Variants in CCDC73 observed in about 807,000 individuals in gnomAD.
CCDC73 encodes the protein coiled-coil domain containing 73, also known as coiled-coil domain-containing protein 73.
CCDC73 carries 95 observed loss-of-function variants against 116.5 expected under a neutral mutation model. The ratio of observed to expected loss-of-function variants is 0.82; its 90% CI spans 0.69 to 0.97. The LOEUF is 0.97. CCDC73 is among the 50% of genes least tolerant of loss of function. CCDC73 has a pLI of 0.00. For missense variants in CCDC73, 1,066 were observed against 1,206.8 expected (o/e 0.88, Z 1.73); for synonymous variants, 398 against 401.3 (o/e 0.99, Z 0.10).
chr11:32,734,923 T>A (rs1259444669), intron 2 of CCDC73, among the ~76,000 whole-genome samples: 2 of 152,152 alleles, frequency 1.3e-5, no homozygotes, highest in African/African-American at 4.8e-5. Flanking sequence ...AAAAACCACA[T>A]GATTATCTCA....
intron 14 of CCDC73, among the ~76,000 whole-genome samples, chr11:32,620,687 A>AATCCAGCT (rs201562716): frequency 0.01 from 1,529 of 151,726 alleles, 25 homozygotes; most frequent in African/African-American, 0.035. Context: ...CCAAGTCATT[A>AATCCAGCT]ATCCAGCTCA....
chr11:32,640,260 G>A (rs1043535771), intron 13 of CCDC73, among the ~76,000 whole-genome samples: 9 of 152,158 alleles, frequency 5.9e-5, no homozygotes, highest in African/African-American at 1.7e-4. Flanking sequence ...AGATAAAACC[G>A]ACTTTATCCA....
At chr11:32,758,547 T>C in intron 2 of CCDC73, 1 of 450,522 alleles carries the variant, frequency 2.2e-6, no homozygotes, top group South Asian at 1.7e-5. Context: ...AAACATGCTT[T>C]CTTCATCAAG....
chr11:32,753,894 G>A (rs1383640573), intron 2 of CCDC73, among the ~76,000 whole-genome samples: 1 of 152,148 alleles, frequency 6.6e-6, no homozygotes, highest in Non-Finnish European at 1.5e-5. Context: ...TTACAGGTGT[G>A]AGGCACCACA....
chr11:32,645,168 C>T (rs1855766089), intron 12 of CCDC73, among the ~76,000 whole-genome samples: 1 of 152,138 alleles, frequency 6.6e-6, no homozygotes, highest in Non-Finnish European at 1.5e-5. Context: ...TCTGGAAAAT[C>T]TTCAGGGACA....
intron 9 of CCDC73, among the ~76,000 whole-genome samples, chr11:32,670,022 C>T (rs912867326): frequency 2.6e-5 from 4 of 152,166 alleles, no homozygotes; most frequent in Admixed American, 6.5e-5. Context: ...AAAAAAGATA[C>T]TAATCATATT....
intron 3 of CCDC73, among the ~76,000 whole-genome samples, chr11:32,711,678 T>C (rs1849901986): frequency 6.6e-6 from 1 of 152,142 alleles, no homozygotes; most frequent in Admixed American, 6.6e-5. Context: ...GTTCGGGTGA[T>C]GGGTGCACCA....
chr11:32,809,164 A>G, the CCDC73 span, among the ~76,000 whole-genome samples: 1 of 152,242 alleles, frequency 6.6e-6, no homozygotes. Context: ...AGCATCCAGG[A>G]CAATTTAGGG....
chr11:32,707,634 T>C (rs1849866798), intron 3 of CCDC73, among the ~76,000 whole-genome samples: 1 of 152,174 alleles, frequency 6.6e-6, no homozygotes, highest in Admixed American at 6.5e-5. Context: ...ATTCCATTTA[T>C]CAACTTACTC....
At chr11:32,756,531 A>G in intron 2 of CCDC73, among the ~76,000 whole-genome samples, 1 of 149,574 alleles carries the variant, frequency 6.7e-6, no homozygotes, top group East Asian at 1.9e-4. Context: ...AGTCCAAGAT[A>G]ATTTATTACA....
chr11:32,703,015 G>A lies in CCDC73; in HGVS notation c.208-71C>T, dbSNP rs1039300404. The A allele has an allele frequency of 1.1e-5, 11 of 1,014,950 alleles. No individual in the cohort carries two copies. The African/African-American group carries it at 1.7e-4, about 16-fold the overall frequency. 62.9% of individuals were successfully genotyped at this position (1,014,950 alleles called of 1,614,324 possible). ...CTCTTTCAGCTTTAAATCTTAACTA[G>A]GTTCACAATTTAAAGTCAACCATAC... On this transcript the variant is annotated intron_variant, in intron 3 of 17. Coordinates refer to ENST00000335185, the MANE Select transcript of CCDC73 (RefSeq NM_001008391.4).
intron 13 of CCDC73, among the ~76,000 whole-genome samples, chr11:32,638,231 G>A (rs1855699816): frequency 6.6e-6 from 1 of 152,218 alleles, no homozygotes; most frequent in East Asian, 1.9e-4. Context: ...TTTCCATACA[G>A]CCATCCTCCA....
intron 17 of CCDC73, among the ~76,000 whole-genome samples, chr11:32,607,863 C>G (rs550654625): frequency 6.6e-6 from 1 of 152,088 alleles, no homozygotes; most frequent in African/African-American, 2.4e-5. Context: ...CTGGGGAGGC[C>G]TCATAATCAT....
At chr11:32,644,748 T>C (rs1855761858) in intron 12 of CCDC73, among the ~76,000 whole-genome samples, 1 of 152,206 alleles carries the variant, frequency 6.6e-6, no homozygotes, top group Admixed American at 6.5e-5. Flanking sequence ...TTGGGCCACT[T>C]TGCAGCACCC....
chr11:32,830,045 C>T, the CCDC73 span: 11 of 987,256 alleles, frequency 1.1e-5, no homozygotes, highest in Non-Finnish European at 1.3e-5. Flanking sequence ...CCAGACCCTG[C>T]GGAGAGCGAG....
chr11:32,768,222 A>T (rs908471267), intron 1 of CCDC73, among the ~76,000 whole-genome samples: 16 of 152,298 alleles, frequency 1.1e-4, no homozygotes, highest in African/African-American at 3.4e-4. Flanking sequence ...TATCACAAGG[A>T]CAGAAAACCA....
intron 6 of CCDC73, among the ~76,000 whole-genome samples, chr11:32,692,934 T>A (rs1161930873): frequency 6.6e-6 from 1 of 152,220 alleles, no homozygotes; most frequent in Non-Finnish European, 1.5e-5. Flanking sequence ...TAAAGTTTTA[T>A]TTGTCAGGTA....
chr11:32,737,417 A>C (rs1163510555), intron 2 of CCDC73, among the ~76,000 whole-genome samples: 2 of 152,150 alleles, frequency 1.3e-5, no homozygotes, highest in South Asian at 2.1e-4. Flanking sequence ...GGTCAAGACC[A>C]GCCTGGCCAA....
At chr11:32,694,463 G>A (rs1421491470) in intron 6 of CCDC73, among the ~76,000 whole-genome samples, 1 of 152,126 alleles carries the variant, frequency 6.6e-6, no homozygotes, top group Non-Finnish European at 1.5e-5. Flanking sequence ...CTTCCTGGGG[G>A]AGGAATAGCA....
Sources: gnomAD v4.1 joint callset for allele counts (sites outside exome capture counted in the v4.1 genomes callset) on GRCh38, gnomAD v4.1.1 for gene constraint, MANE v1.5 for transcripts, NCBI Gene and HGNC (gene_info 2026-07-23, HGNC 2026-07-21) for gene names.